KCNQ5: variants seen among roughly 807,000 people sequenced by gnomAD.
The protein encoded by KCNQ5 is potassium voltage-gated channel subfamily KQT member 5.
A neutral mutation model predicts 98.2 loss-of-function variants in KCNQ5; 30 were observed. The observed-to-expected ratio is 0.31, with a 90% CI of 0.23 to 0.41. The LOEUF (loss-of-function observed/expected upper bound fraction) is 0.41. Ranked by LOEUF, KCNQ5 falls within the 10% of genes least tolerant of loss-of-function variation. The pLI is 1.00. For synonymous variants in KCNQ5, 458 were observed against 449.4 expected (o/e 1.02, Z -0.24); for missense variants, 835 against 1,182.5 (o/e 0.71, Z 4.31).
chr6:72,632,402 A>T (rs896484175), intron 1 of KCNQ5, among the ~76,000 whole-genome samples: 1 of 151,386 alleles, frequency 6.6e-6, no homozygotes, highest in Non-Finnish European at 1.5e-5. Context: ...CAGCCTCCCA[A>T]AGTGCTGGGA....
chr6:73,193,019 A>ATTTT (rs66904981), intron 13 of KCNQ5, among the ~76,000 whole-genome samples: 2 of 127,922 alleles, frequency 1.6e-5, no homozygotes, highest in Non-Finnish European at 3.3e-5. Flanking sequence ...TAGGTCATTA[A>ATTTT]TTTTTTTTTT....
chr6:72,925,710 C>G (rs1267892860), intron 1 of KCNQ5, among the ~76,000 whole-genome samples: 1 of 152,078 alleles, frequency 6.6e-6, no homozygotes, highest in East Asian at 1.9e-4. Flanking sequence ...TAAAGGTTGG[C>G]AGGCACCATC....
chr6:72,938,676 C>G (rs376013020), intron 1 of KCNQ5, among the ~76,000 whole-genome samples: 1 of 152,114 alleles, frequency 6.6e-6, no homozygotes, highest in Non-Finnish European at 1.5e-5. Flanking sequence ...CGAGTCACCA[C>G]GCCCAGCAAA....
intron 1 of KCNQ5, among the ~76,000 whole-genome samples, chr6:72,983,630 C>G (rs1043162275): frequency 6.6e-6 from 1 of 152,176 alleles, no homozygotes; most frequent in Non-Finnish European, 1.5e-5. Context: ...CCTCCTTTAG[C>G]TCGGAGAATT....
At position 72,778,966 on chromosome 6, in the gene KCNQ5, G is replaced by A. The variant is rs553270944; in HGVS notation, c.398+156379G>A. 5.3e-5 allele frequency among the ~76,000 whole-genome samples: 8 copies of A among 152,350 alleles called. No individual in the cohort carries two copies. The East Asian group carries it at 1.2e-3, about 22-fold the overall frequency. ...TGAAGAGGACAAAGGTAACTTTAGTGAAGTGATTTCACTGTAGTGCTTGTC... is the reference window on the plus strand; with the variant it reads ...TGAAGAGGACAAAGGTAACTTTAGTAAAGTGATTTCACTGTAGTGCTTGTC... On this transcript the variant is annotated intron_variant, in intron 1 of 13. Transcript: ENST00000370398.
intron 1 of KCNQ5, among the ~76,000 whole-genome samples, chr6:72,769,403 T>C (rs1163822997): frequency 2.0e-5 from 3 of 152,100 alleles, no homozygotes; most frequent in Non-Finnish European, 4.4e-5. Flanking sequence ...CATCATAAAA[T>C]ATGAGGGCTA....
At chr6:72,900,229 T>C (rs1370117147) in intron 1 of KCNQ5, among the ~76,000 whole-genome samples, 1 of 151,862 alleles carries the variant, frequency 6.6e-6, no homozygotes, top group African/African-American at 2.4e-5. Flanking sequence ...CCTGAGTTAC[T>C]TCACTTAGAA....
chr6:72,807,075 T>G (rs1200662305), intron 1 of KCNQ5, among the ~76,000 whole-genome samples: 1 of 152,098 alleles, frequency 6.6e-6, no homozygotes, highest in Non-Finnish European at 1.5e-5. Flanking sequence ...ATTTATGCAT[T>G]TATGTGTTTA....
At chr6:73,073,298 C>T (rs535910610) in intron 3 of KCNQ5, among the ~76,000 whole-genome samples, 1 of 152,280 alleles carries the variant, frequency 6.6e-6, no homozygotes, top group East Asian at 1.9e-4. Flanking sequence ...ATATCATCTA[C>T]TACATAGGTT....
At chr6:72,955,654 G>T (rs906103424) in intron 1 of KCNQ5, among the ~76,000 whole-genome samples, 2 of 152,132 alleles carry the variant, frequency 1.3e-5, no homozygotes, top group Non-Finnish European at 2.9e-5. Context: ...CTTGAATAGT[G>T]TCTCAAATAT....
intron 1 of KCNQ5, among the ~76,000 whole-genome samples, chr6:72,831,649 A>AT (rs1251388449): frequency 4.6e-5 from 7 of 152,074 alleles, no homozygotes; most frequent in African/African-American, 1.7e-4. Flanking sequence ...TAGTGGGTGC[A>AT]GCACACCAAC....
At chr6:72,824,063 G>A (rs1582360829) in intron 1 of KCNQ5, among the ~76,000 whole-genome samples, 1 of 151,638 alleles carries the variant, frequency 6.6e-6, no homozygotes, top group East Asian at 1.9e-4. Flanking sequence ...TATATTTCTT[G>A]TTTTCATCCA....
chr6:72,706,977 A>G (rs898898790), intron 1 of KCNQ5, among the ~76,000 whole-genome samples: 22 of 152,166 alleles, frequency 1.4e-4, no homozygotes, highest in Non-Finnish European at 2.6e-4. Context: ...AGGAAAATTC[A>G]TTATCTTAAC....
At chr6:72,865,498 G>A (rs1464422368) in intron 1 of KCNQ5, among the ~76,000 whole-genome samples, 1 of 152,138 alleles carries the variant, frequency 6.6e-6, no homozygotes, top group Non-Finnish European at 1.5e-5. Context: ...TCTTCTCTCT[G>A]TAAGATTCAG....
intron 1 of KCNQ5, among the ~76,000 whole-genome samples, chr6:72,882,302 C>T (rs1023625401): frequency 6.6e-6 from 1 of 152,080 alleles, no homozygotes; most frequent in Non-Finnish European, 1.5e-5. Context: ...AATTTTAGTC[C>T]TGCTGTACAA....
At chr6:72,817,524 G>A (rs572265782) in intron 1 of KCNQ5, among the ~76,000 whole-genome samples, 16 of 152,132 alleles carry the variant, frequency 1.1e-4, no homozygotes, top group Non-Finnish European at 1.0e-4. Flanking sequence ...AGAAAGTACC[G>A]CTCAGTGCAA....
At chr6:73,149,629 C>G (rs60549901) in intron 10 of KCNQ5, among the ~76,000 whole-genome samples, 2 of 151,976 alleles carry the variant, frequency 1.3e-5, no homozygotes, top group Non-Finnish European at 2.9e-5. Flanking sequence ...AACCCTGTCT[C>G]TACTAAAAAT....
At chr6:72,660,203 A>G (rs1307364389) in intron 1 of KCNQ5, among the ~76,000 whole-genome samples, 2 of 152,216 alleles carry the variant, frequency 1.3e-5, no homozygotes, top group East Asian at 3.8e-4. Context: ...GTACAAGCCA[A>G]TTCTCATTTT....
rs1582519841 is a variant in KCNQ5 at position 73,194,792 on chromosome 6, T to G, written c.2177T>G (p.Val726Gly). ...VPISQSDGSA[V>G]AATNTIANQI... ...ATTAGTCAAAGCGATGGCTCAGCAGTGGCAGCCACCAACACCATTGCAAAC... is the reference window on the plus strand; with the variant it reads ...ATTAGTCAAAGCGATGGCTCAGCAGGGGCAGCCACCAACACCATTGCAAAC... Residue 726 changes from valine to glycine, a missense_variant, in exon 14 of 14, where the codon GTG becomes GGG. By Grantham distance (109) the Val-to-Gly change is moderately radical. Around this residue, in one of 10 missense-constraint regions of KCNQ5, gnomAD observed 416 missense variants for 446.9 expected, o/e 0.93. Coordinates refer to ENST00000370398, the MANE Select transcript of KCNQ5 (RefSeq NM_019842.4). 6.2e-7 allele frequency: 1 copy of G among 1,614,218 alleles called. No homozygotes were observed.
Sources: allele counts gnomAD v4.1 joint callset (sites outside exome capture counted in the v4.1 genomes callset), GRCh38; gene constraint gnomAD v4.1.1; regional missense constraint gnomAD v4.1.1; transcripts MANE v1.5; gene names NCBI Gene and HGNC (gene_info 2026-07-23, HGNC 2026-07-21).